AGBL4: variants seen among roughly 807,000 people sequenced by gnomAD.
The protein encoded by AGBL4 is AGBL carboxypeptidase 4.
AGBL4 carries 58 observed loss-of-function variants against 66.4 expected under a neutral mutation model. The observed-to-expected ratio is 0.87, with a 90% CI of 0.71 to 1.09. AGBL4 has a LOEUF of 1.09. Ranked by LOEUF, AGBL4 falls within the 50% of genes least tolerant of loss-of-function variation. The pLI, the probability that AGBL4 is intolerant of heterozygous loss-of-function variation, is 0.00. For synonymous variants in AGBL4, 234 were observed against 222.9 expected (o/e 1.05, Z -0.44); for missense variants, 579 against 631.0 (o/e 0.92, Z 0.88).
intron 6 of AGBL4, among the ~76,000 whole-genome samples, chr1:48,866,425 T>C (rs947004368): frequency 6.6e-6 from 1 of 152,200 alleles, no homozygotes; most frequent in Admixed American, 6.5e-5. Context: ...ATGCCTAGCA[T>C]AGCAGATGGC....
chr1:48,883,709 C>A (rs1375294699), intron 5 of AGBL4, among the ~76,000 whole-genome samples: 2 of 152,202 alleles, frequency 1.3e-5, no homozygotes, highest in African/African-American at 4.8e-5. Flanking sequence ...TAGTGCACAG[C>A]ACAGAGTAGA....
intron 5 of AGBL4, among the ~76,000 whole-genome samples, chr1:49,019,789 G>A (rs914538232): frequency 2.0e-5 from 3 of 152,172 alleles, no homozygotes; most frequent in Non-Finnish European, 4.4e-5. Flanking sequence ...AGACTTTTGA[G>A]ACAAATTTAT....
intron 3 of AGBL4, among the ~76,000 whole-genome samples, chr1:49,258,093 A>G (rs1652718843): frequency 6.6e-6 from 1 of 152,222 alleles, no homozygotes; most frequent in Non-Finnish European, 1.5e-5. Flanking sequence ...GCAGCTGAGG[A>G]TCCTGTCTGT....
rs566062366 is a variant in AGBL4, at chr1:49,796,311, T to C, written c.157+55085A>G. ...GGCTTAACAAAAAGATTCAGATCCT[T>C]TGAAATCATAATTACACTTCTAAGT... On this transcript the variant is annotated intron_variant, in intron 2 of 13. Coordinates refer to ENST00000371839, the MANE Select transcript of AGBL4 (RefSeq NM_032785.4). 1.3e-4 allele frequency among the ~76,000 whole-genome samples: 19 copies of C among 151,860 alleles called. No individual in the cohort carries two copies. In the South Asian group the frequency reaches 4.0e-3, roughly 32 times the overall value.
chr1:49,821,302 T>C (rs1645364425), intron 2 of AGBL4, among the ~76,000 whole-genome samples: 1 of 152,230 alleles, frequency 6.6e-6, no homozygotes, highest in African/African-American at 2.4e-5. Context: ...TAGAAGCTCT[T>C]CCTTTGGGTT....
At chr1:49,986,290 T>C (rs765309238) in intron 1 of AGBL4, among the ~76,000 whole-genome samples, 1 of 152,078 alleles carries the variant, frequency 6.6e-6, no homozygotes, top group Non-Finnish European at 1.5e-5. Flanking sequence ...AGTAGTTTTT[T>C]ACTGTTCCTG....
At chr1:48,799,066 T>A (rs1645754279) in intron 6 of AGBL4, among the ~76,000 whole-genome samples, 1 of 152,150 alleles carries the variant, frequency 6.6e-6, no homozygotes, top group Non-Finnish European at 1.5e-5. Flanking sequence ...GATGATGGTA[T>A]TTTGATGGGA....
intron 6 of AGBL4, among the ~76,000 whole-genome samples, chr1:48,715,463 C>A (rs1647034306): frequency 6.6e-6 from 1 of 152,194 alleles, no homozygotes; most frequent in Admixed American, 6.5e-5. Flanking sequence ...TGTCACTTCC[C>A]CCTGCCCTGT....
chr1:48,674,710 A>G (rs535995106), intron 6 of AGBL4, among the ~76,000 whole-genome samples: 21 of 152,282 alleles, frequency 1.4e-4, no homozygotes, highest in Admixed American at 2.6e-4. Context: ...GGCTGTGAGG[A>G]CTAGATGAAT....
At position 49,281,927 on chromosome 1, in the gene AGBL4, C is replaced by G. The variant is rs543750414; in HGVS notation, c.283-36063G>C. 3.3e-5 allele frequency among the ~76,000 whole-genome samples: 5 copies of G among 152,124 alleles called. No homozygotes were observed. In the South Asian group the frequency reaches 8.3e-4, roughly 25 times the overall value. On this transcript the variant is annotated intron_variant, in intron 3 of 13. Transcript: ENST00000371839. The stretch of plus-strand genomic sequence containing the variant: ...GAGCTGCTTTAGCAAATTAATGAAG[C>G]CTGAGGAAGGGGCTGTGGAAACTGC...
intron 3 of AGBL4, among the ~76,000 whole-genome samples, chr1:49,405,962 G>T (rs2148618955): frequency 6.6e-6 from 1 of 152,296 alleles, no homozygotes; most frequent in Middle Eastern, 3.4e-3. Flanking sequence ...AATGCTTATT[G>T]ATATGTTAAG....
At chr1:49,805,171 G>A (rs959830031) in intron 2 of AGBL4, among the ~76,000 whole-genome samples, 2 of 152,160 alleles carry the variant, frequency 1.3e-5, no homozygotes, top group African/African-American at 4.8e-5. Context: ...AGGGAGTTTC[G>A]TATGTATTTC....
At chr1:48,979,180 C>T (rs951556247) in intron 5 of AGBL4, among the ~76,000 whole-genome samples, 2 of 152,184 alleles carry the variant, frequency 1.3e-5, no homozygotes, top group Admixed American at 1.3e-4. Context: ...TATAAATATG[C>T]ACTTAACTCT....
chr1:49,562,679 G>C (rs965717068), intron 3 of AGBL4, among the ~76,000 whole-genome samples: 2 of 151,922 alleles, frequency 1.3e-5, no homozygotes, highest in African/African-American at 4.8e-5. Flanking sequence ...TCTCTGTTTT[G>C]GTACCAGTAC....
intron 3 of AGBL4, among the ~76,000 whole-genome samples, chr1:49,280,652 G>C (rs970991151): frequency 9.9e-5 from 15 of 152,176 alleles, no homozygotes; most frequent in Admixed American, 9.2e-4. Flanking sequence ...AAGGAGTATA[G>C]ACAAAGTAAC....
intron 2 of AGBL4, among the ~76,000 whole-genome samples, chr1:49,775,619 A>G (rs954855258): frequency 1.3e-5 from 2 of 152,104 alleles, no homozygotes; most frequent in Non-Finnish European, 2.9e-5. Flanking sequence ...GCCTTAAATT[A>G]TAATTACCAT....
At chr1:48,619,456 A>T (rs1645372962) in intron 9 of AGBL4, among the ~76,000 whole-genome samples, 1 of 152,144 alleles carries the variant, frequency 6.6e-6, no homozygotes, top group African/African-American at 2.4e-5. Context: ...AGGTTGTTAT[A>T]TGGACTAGAT....
chr1:49,815,425 A>T (rs1645207668), intron 2 of AGBL4, among the ~76,000 whole-genome samples: 1 of 152,168 alleles, frequency 6.6e-6, no homozygotes, highest in Non-Finnish European at 1.5e-5. Context: ...CTGTTGCTGG[A>T]CACTTACATT....
intron 3 of AGBL4, among the ~76,000 whole-genome samples, chr1:49,287,482 T>A (rs1644441041): frequency 1.3e-5 from 2 of 150,166 alleles, no homozygotes; most frequent in East Asian, 3.9e-4. Context: ...AGGGCTAATA[T>A]CCAGAATCTA....
Sources: gnomAD v4.1 joint callset for allele counts (sites outside exome capture counted in the v4.1 genomes callset) on GRCh38, gnomAD v4.1.1 for gene constraint, MANE v1.5 for transcripts, NCBI Gene and HGNC (gene_info 2026-07-23, HGNC 2026-07-21) for gene names.